Variants in HECW1 observed in about 807,000 individuals in gnomAD.
HECW1 encodes E3 ubiquitin-protein ligase HECW1.
Under a neutral mutation model 182.3 loss-of-function variants are expected in HECW1, and 61 were observed. The observed-to-expected ratio is 0.33, with a 90% CI of 0.27 to 0.41. The LOEUF is 0.41. Ranked by LOEUF, HECW1 falls within the 10% of genes least tolerant of loss-of-function variation. HECW1 has a pLI of 1.00. For synonymous variants in HECW1, 859 were observed against 832.6 expected (o/e 1.03, Z -0.55); for missense variants, 1,739 against 2,108.9 (o/e 0.82, Z 3.44).
chr7:43,382,059 A>G (rs921222211), intron 6 of HECW1, among the ~76,000 whole-genome samples: 71 of 152,220 alleles, frequency 4.7e-4, no homozygotes, highest in Non-Finnish European at 4.3e-4. Flanking sequence ...GCCAAGGCAG[A>G]TGGATCACGA....
chr7:43,380,056 C>T (rs1281182382), intron 6 of HECW1, among the ~76,000 whole-genome samples: 1 of 152,086 alleles, frequency 6.6e-6, no homozygotes, highest in Non-Finnish European at 1.5e-5. Context: ...CCTTGGGCCT[C>T]AATTTCTCTT....
At chr7:43,146,555 C>T (rs1788735830) in intron 2 of HECW1, among the ~76,000 whole-genome samples, 1 of 152,162 alleles carries the variant, frequency 6.6e-6, no homozygotes, top group South Asian at 2.1e-4. Context: ...TACAGTTGGA[C>T]CTGGAAATTC....
At chr7:43,358,979 C>T (rs1223038589) in intron 5 of HECW1, among the ~76,000 whole-genome samples, 1 of 152,002 alleles carries the variant, frequency 6.6e-6, no homozygotes, top group Non-Finnish European at 1.5e-5. Flanking sequence ...GAGTGCACCA[C>T]CACGCCCAGC....
In HECW1 at chr7:43,450,907, A is replaced by G; in HGVS notation, c.2478A>G (p.Thr826=). 1 of 1,611,734 alleles carries G rather than the reference A, an allele frequency of 6.2e-7. No homozygotes were observed. Among genetic ancestry groups the G allele is most frequent in the Non-Finnish European group, 8.5e-7 (1 of 1,177,888 alleles). Reference sequence around the variant, plus strand: ...GGCCTGAACATCATCACTACCCAACAATCGATGAGCCTCTTCCACCAAGTA... The same window carrying G: ...GGCCTGAACATCATCACTACCCAACGATCGATGAGCCTCTTCCACCAAGTA... ...SLRPEHHHYP[T]IDEPLPPNWE... is the part of the protein sequence containing the mutation. Residue 826 remains threonine, a synonymous_variant, in exon 12 of 30, where the codon ACA becomes ACG. Transcript: ENST00000395891.
intron 2 of HECW1, among the ~76,000 whole-genome samples, chr7:43,163,548 C>T (rs1347589698): frequency 1.3e-5 from 2 of 152,130 alleles, no homozygotes; most frequent in African/African-American, 4.8e-5. Flanking sequence ...AGTCGCAGAC[C>T]ATATGCCAGT....
chr7:43,389,335 G>A (rs1278738024), intron 6 of HECW1, among the ~76,000 whole-genome samples: 1 of 152,184 alleles, frequency 6.6e-6, no homozygotes, highest in Non-Finnish European at 1.5e-5. Context: ...CCTTCTGGGG[G>A]TGGGCCCAGC....
At chr7:43,135,554 G>A (rs1787433539) in intron 2 of HECW1, among the ~76,000 whole-genome samples, 1 of 152,156 alleles carries the variant, frequency 6.6e-6, no homozygotes, top group Non-Finnish European at 1.5e-5. Flanking sequence ...CTTGACTAAG[G>A]AAATGCTCAT....
At chr7:43,219,208 A>T (rs1256920387) in intron 2 of HECW1, among the ~76,000 whole-genome samples, 2 of 152,174 alleles carry the variant, frequency 1.3e-5, no homozygotes, top group African/African-American at 4.8e-5. Flanking sequence ...AGAGGACAAC[A>T]GTGGGAATCG....
chr7:43,547,067 AT>A, intron 26 of HECW1, among the ~76,000 whole-genome samples: 1 of 152,036 alleles, frequency 6.6e-6, no homozygotes, highest in South Asian at 2.1e-4. Context: ...TTATCTTGAC[AT>A]TTTTTTCAGC....
At chr7:43,231,820 T>C (rs188873155) in intron 2 of HECW1, among the ~76,000 whole-genome samples, 11 of 151,028 alleles carry the variant, frequency 7.3e-5, no homozygotes, top group Non-Finnish European at 1.3e-4. Context: ...ATTGAGACCA[T>C]CCTGGCTAAC....
intron 16 of HECW1, among the ~76,000 whole-genome samples, chr7:43,476,242 AT>A (rs1412596656): frequency 2.6e-5 from 4 of 152,222 alleles, no homozygotes; most frequent in Non-Finnish European, 4.4e-5. Flanking sequence ...ATGAAGGGTT[AT>A]AAAACATTAT....
chr7:43,465,851 G>A lies in HECW1; in HGVS notation c.2792-596G>A, dbSNP rs1162187651. On this transcript the variant is annotated intron_variant, in intron 14 of 29. Coordinates refer to ENST00000395891, the MANE Select transcript of HECW1 (RefSeq NM_015052.5). Reference sequence around the variant, plus strand: ...AAAGGCTGCGGTGAGCTGCAATTGCGCGGCTGCACTCCAGCCTGGATGACA... The same window carrying A: ...AAAGGCTGCGGTGAGCTGCAATTGCACGGCTGCACTCCAGCCTGGATGACA... Among the ~76,000 whole-genome samples the A allele has an allele frequency of 3.9e-5, 6 of 152,074 alleles. No individual in the cohort carries two copies. The East Asian group carries it at 7.8e-4, about 20-fold the overall frequency.
chr7:43,137,108 C>T (rs1230672788), intron 2 of HECW1, among the ~76,000 whole-genome samples: 8 of 152,160 alleles, frequency 5.3e-5, no homozygotes, highest in Admixed American at 3.3e-4. Flanking sequence ...TCCAGAATTC[C>T]ACTTTCCCTC....
At chr7:43,381,189 G>A (rs2074536269) in intron 6 of HECW1, among the ~76,000 whole-genome samples, 1 of 152,002 alleles carries the variant, frequency 6.6e-6, no homozygotes. Context: ...TTCCCATTGG[G>A]CTGTTTACTT....
chr7:43,333,684 AGCCATTACATCTT>A (rs1266730608), intron 5 of HECW1, among the ~76,000 whole-genome samples: 12 of 152,208 alleles, frequency 7.9e-5, no homozygotes, highest in African/African-American at 1.4e-4. Context: ...GAAGGACAGC[AGCCATTACATCTT>A]GTCTTTCCTA....
chr7:43,288,760 A>G (rs942375556), intron 3 of HECW1, among the ~76,000 whole-genome samples: 4 of 152,212 alleles, frequency 2.6e-5, no homozygotes, highest in South Asian at 2.1e-4. Flanking sequence ...ACATTTTTCT[A>G]AAAGTCCATT....
intron 5 of HECW1, among the ~76,000 whole-genome samples, chr7:43,344,402 C>T (rs1286185319): frequency 6.7e-6 from 1 of 148,904 alleles, no homozygotes; most frequent in Non-Finnish European, 1.5e-5. Context: ...AGTTCTCATT[C>T]CCTTGTCTTC....
chr7:43,185,955 G>A (rs928893601), intron 2 of HECW1, among the ~76,000 whole-genome samples: 12 of 152,140 alleles, frequency 7.9e-5, no homozygotes, highest in Non-Finnish European at 1.6e-4. Context: ...GCTCCAGCAA[G>A]CTGGGATGGG....
At chr7:43,384,333 C>T (rs1386633521) in intron 6 of HECW1, among the ~76,000 whole-genome samples, 3 of 152,118 alleles carry the variant, frequency 2.0e-5, no homozygotes, top group Admixed American at 1.3e-4. Flanking sequence ...TCACTCATCC[C>T]ATGATCCAGC....
Sources: allele counts gnomAD v4.1 joint callset (sites outside exome capture counted in the v4.1 genomes callset), GRCh38; gene constraint gnomAD v4.1.1; transcripts MANE v1.5; gene names NCBI Gene and HGNC (gene_info 2026-07-23, HGNC 2026-07-21).